The following LPGAT1 variants were observed in gnomAD, a reference collection of about 807,000 sequenced individuals.
LPGAT1 encodes the protein lysophosphatidylglycerol acyltransferase 1.
LPGAT1 carries 11 observed loss-of-function variants against 47.5 expected under a neutral mutation model. That is an observed-to-expected ratio of 0.23 (90% CI 0.15 to 0.38). LPGAT1 has a LOEUF of 0.38. LPGAT1 is among the 10% of genes least tolerant of loss of function. The pLI is 1.00. For missense variants in LPGAT1, 293 were observed against 439.0 expected, an observed-to-expected ratio of 0.67 and a Z score of 2.97; for synonymous variants, 138 against 144.2, an observed-to-expected ratio of 0.96 and a Z score of 0.31.
intron 2 of LPGAT1, among the ~76,000 whole-genome samples, chr1:211,815,846 T>C (rs1340696146): frequency 3.5e-5 from 5 of 144,076 alleles, no homozygotes; most frequent in Admixed American, 2.1e-4. Context: ...TGGCACAATC[T>C]CGGCTCACTG....
At chr1:211,792,609 A>C (rs1472170964) in intron 3 of LPGAT1, among the ~76,000 whole-genome samples, 1 of 147,440 alleles carries the variant, frequency 6.8e-6, no homozygotes, top group Non-Finnish European at 1.5e-5. Flanking sequence ...ACTTAGAATG[A>C]TATATTTTTT....
intron 2 of LPGAT1, among the ~76,000 whole-genome samples, chr1:211,810,790 C>T (rs1036825565): frequency 1.3e-5 from 2 of 152,096 alleles, no homozygotes; most frequent in Admixed American, 6.5e-5. Context: ...CGAGAACATG[C>T]CCGGGTAGTA....
chr1:211,782,675 C>T (rs1051622912), intron 5 of LPGAT1, among the ~76,000 whole-genome samples: 2 of 151,986 alleles, frequency 1.3e-5, no homozygotes, highest in African/African-American at 4.8e-5. Context: ...TTCAAGACTA[C>T]GGTGAGCTAT....
intron 2 of LPGAT1, among the ~76,000 whole-genome samples, chr1:211,808,414 T>A (rs1180508402): frequency 6.7e-6 from 1 of 148,460 alleles, no homozygotes; most frequent in African/African-American, 2.5e-5. Flanking sequence ...ATTAAAAAAA[T>A]TAAGAAAAGA....
chr1:211,774,768 A>G (rs1211074437), intron 6 of LPGAT1, among the ~76,000 whole-genome samples: 1 of 152,198 alleles, frequency 6.6e-6, no homozygotes, highest in Non-Finnish European at 1.5e-5. Context: ...TAGAAATCCT[A>G]AAAACCAACA....
At chr1:211,818,157 G>A (rs1215599969) in intron 2 of LPGAT1, among the ~76,000 whole-genome samples, 1 of 152,060 alleles carries the variant, frequency 6.6e-6, no homozygotes, top group East Asian at 1.9e-4. Flanking sequence ...TTAATGGCAG[G>A]GTTCATTAGT....
At chr1:211,776,043 A>G (rs537588578) in intron 6 of LPGAT1, among the ~76,000 whole-genome samples, 13 of 145,610 alleles carry the variant, frequency 8.9e-5, no homozygotes, top group Admixed American at 8.9e-4. Flanking sequence ...GGACTTATCT[A>G]TGTTGGCTCT....
At chr1:211,754,656 GT>G (rs1237019328) in intron 6 of LPGAT1, among the ~76,000 whole-genome samples, 3 of 152,152 alleles carry the variant, frequency 2.0e-5, no homozygotes, top group Non-Finnish European at 2.9e-5. Flanking sequence ...GCTATTTTGG[GT>G]TTAGGCAAAA....
chr1:211,783,287 A>G lies in LPGAT1; in HGVS notation c.669T>C (p.Asn223=), dbSNP rs748432205. ...PRSGATKIIL[N]ALVAQQKNGS... ...CATTTTTCTGTTGTGCTACAAGTGC[A>G]TTCAAAATAATTTTTGTTGCCCCAG... Residue 223 remains asparagine (N), a synonymous_variant, in exon 5 of 8, where the codon AAT becomes AAC. Coordinates refer to ENST00000366997, the MANE Select transcript of LPGAT1 (RefSeq NM_014873.3). 2.2e-5 allele frequency: 35 copies of G among 1,614,196 alleles called. No homozygotes were observed. In the South Asian group the frequency reaches 2.7e-4, roughly 13 times the overall value.
At chr1:211,815,317 GA>G (rs1660133091) in intron 2 of LPGAT1, among the ~76,000 whole-genome samples, 2 of 152,082 alleles carry the variant, frequency 1.3e-5, no homozygotes, top group Admixed American at 1.3e-4. Flanking sequence ...GCTCACACCA[GA>G]AACCTCAGGG....
chr1:211,798,678 C>T (rs1431286658), intron 2 of LPGAT1, among the ~76,000 whole-genome samples: 2 of 152,108 alleles, frequency 1.3e-5, no homozygotes, highest in South Asian at 4.2e-4. Flanking sequence ...TATAGACACT[C>T]TCTCTAAAAA....
chr1:211,768,831 G>A (rs1658046800), intron 6 of LPGAT1, among the ~76,000 whole-genome samples: 2 of 152,190 alleles, frequency 1.3e-5, no homozygotes, highest in African/African-American at 4.8e-5. Flanking sequence ...GGACATTTGA[G>A]CAGGCCTGAA....
chr1:211,768,642 G>A (rs17018048), intron 6 of LPGAT1, among the ~76,000 whole-genome samples: 12,731 of 152,224 alleles, frequency 0.084, 657 homozygotes, highest in Admixed American at 0.15. Context: ...TATCTCTATC[G>A]TGTGGTTTTC....
At chr1:211,751,645 C>T (rs991716111) in intron 6 of LPGAT1, among the ~76,000 whole-genome samples, 1 of 152,034 alleles carries the variant, frequency 6.6e-6, no homozygotes, top group Admixed American at 6.6e-5. Flanking sequence ...CCAGGAAACA[C>T]GATTGTGATT....
intron 6 of LPGAT1, among the ~76,000 whole-genome samples, chr1:211,754,110 G>GT (rs142627826): frequency 0.052 from 7,959 of 152,210 alleles, 299 homozygotes; most frequent in Non-Finnish European, 0.073. Context: ...TGCCTCAGTT[G>GT]TATCTGTTGT....
Position 211,790,664 on chromosome 1 carries a change from A to T in LPGAT1, c.357+2408T>A, listed in dbSNP as rs1487062766. On this transcript the variant is annotated intron_variant, in intron 3 of 7. Transcript: ENST00000366997. ...ATTAACTAATCTCAAAATAAAAAAA[A>T]ATTACTTGGGATAGAAAAATGAACC... Among the ~76,000 whole-genome samples, 7 of 152,202 alleles carry T rather than the reference A, an allele frequency of 4.6e-5. No homozygotes were observed. In the East Asian group the frequency reaches 1.3e-3, roughly 29 times the overall value.
chr1:211,797,191 G>C (rs981603686), intron 2 of LPGAT1, among the ~76,000 whole-genome samples: 10 of 152,096 alleles, frequency 6.6e-5, no homozygotes, highest in Admixed American at 2.0e-4. Context: ...GGGAGGCAAA[G>C]GTTACAGTGA....
Position 211,749,002 on chromosome 1 carries a change from T to C in LPGAT1, c.*897A>G, listed in dbSNP as rs1657058325. ...AAAAAATAAAGCCTCTGAGCTGCAA[T>C]AGAGGCATCACGTCAGGGTGGTGTC... On this transcript the variant is annotated 3_prime_UTR_variant, in exon 8 of 8. Transcript: ENST00000366997. 2 of 152,522 alleles carry C rather than the reference T, an allele frequency of 1.3e-5. No homozygotes were observed. Among genetic ancestry groups the C allele is most frequent in the African/African-American group, 2.4e-5 (1 of 41,446 alleles). 9.4% of individuals were successfully genotyped at this position (152,522 alleles called of 1,614,324 possible). A position where few individuals can be genotyped will look rare whatever the true frequency, so the allele number is the denominator to read the frequency against.
Position 211,783,454 on chromosome 1 carries a change from C to T in LPGAT1, c.502G>A (p.Glu168Lys), listed in dbSNP as rs144695964. 3 of 1,614,038 alleles carry T rather than the reference C, an allele frequency of 1.9e-6. No individual in the cohort carries two copies. Among genetic ancestry groups the T allele is most frequent in the Non-Finnish European group, 8.5e-7 (1 of 1,179,990 alleles). ...QQLLLLKKHL[E>K]NNYRSRDRKW... ...CGATCTCTGCTCCTGTAATTATTTT[C>T]TAAGTGCTTCTTGAGAAGCAGCAGC... The change falls in exon 5 of 8, where the codon GAA becomes AAA. Residue 168 changes from glutamate to lysine, a missense_variant. Transcript: ENST00000366997.
Sources: allele counts gnomAD v4.1 joint callset (sites outside exome capture counted in the v4.1 genomes callset), GRCh38; gene constraint gnomAD v4.1.1; transcripts MANE v1.5; gene names NCBI Gene and HGNC (gene_info 2026-07-23, HGNC 2026-07-21).